Variants in FTO observed in about 807,000 individuals in gnomAD.
FTO encodes alpha-ketoglutarate-dependent dioxygenase FTO.
In FTO, 47 loss-of-function variants were observed where a neutral mutation model predicts 63.9. That is an observed-to-expected ratio of 0.74 (90% CI 0.58 to 0.94). FTO has a LOEUF of 0.94. Among genes scored for constraint, FTO ranks in the 40% least tolerant of loss-of-function variants. The pLI, the probability that FTO is intolerant of heterozygous loss-of-function variation, is 0.00. For missense variants in FTO, 562 were observed against 618.1 expected (o/e 0.91, Z 0.96); for synonymous variants, 207 against 224.4 (o/e 0.92, Z 0.69).
chr16:53,840,662 A>T (rs2079448020), intron 3 of FTO, among the ~76,000 whole-genome samples: 1 of 152,218 alleles, frequency 6.6e-6, no homozygotes. Context: ...TTGCAAAAGC[A>T]GGTCACGGGA....
chr16:54,072,518 A>T (rs1419225244), intron 8 of FTO: 1 of 152,228 alleles, frequency 6.6e-6, no homozygotes, highest in East Asian at 1.9e-4. Context: ...CCAGTTATTT[A>T]TACTGCAGCC....
chr16:54,026,039 TAGTC>T (rs1359621827), intron 8 of FTO, among the ~76,000 whole-genome samples: 3 of 152,146 alleles, frequency 2.0e-5, no homozygotes, highest in Non-Finnish European at 4.4e-5. Context: ...TTATTTTTAT[TAGTC>T]AGCACAACAT....
intron 8 of FTO, among the ~76,000 whole-genome samples, chr16:54,065,780 A>C (rs1599306194): frequency 6.6e-6 from 1 of 152,150 alleles, no homozygotes; most frequent in Admixed American, 6.5e-5. Context: ...TTTCCAGCCC[A>C]CTGTTAGGGA....
chr16:53,867,862 T>C (rs368122506), intron 4 of FTO, among the ~76,000 whole-genome samples: 32 of 152,324 alleles, frequency 2.1e-4, no homozygotes, highest in African/African-American at 5.8e-4. Context: ...TTTTGCCTTA[T>C]ACATTTTGAT....
At chr16:53,915,812 C>T (rs1374555483) in intron 7 of FTO, among the ~76,000 whole-genome samples, 3 of 152,194 alleles carry the variant, frequency 2.0e-5, no homozygotes, top group Admixed American at 6.5e-5. Context: ...ACAGTTTAAT[C>T]TTTGGGTATG....
At chr16:53,739,396 A>G (rs1313644304) in intron 1 of FTO, among the ~76,000 whole-genome samples, 1 of 130,530 alleles carries the variant, frequency 7.7e-6, no homozygotes, top group Non-Finnish European at 1.6e-5. Context: ...TTCTATTTTT[A>G]GTAGAGATGG....
chr16:53,999,976 T>C (rs2084031178), intron 8 of FTO: 1 of 152,146 alleles, frequency 6.6e-6, no homozygotes, highest in Non-Finnish European at 1.5e-5. Flanking sequence ...CTTGTTGCAG[T>C]AGACATAAAA....
chr16:54,031,198 T>C (rs948381122), intron 8 of FTO, among the ~76,000 whole-genome samples: 15 of 152,294 alleles, frequency 9.8e-5, no homozygotes, highest in African/African-American at 3.6e-4. Context: ...TTAAGCTACA[T>C]ACATAAGATC....
At position 53,788,732 on chromosome 16, in the gene FTO, G is replaced by T. The variant is rs549392629; in HGVS notation, c.46-21408G>T. Among the ~76,000 whole-genome samples the T allele has an allele frequency of 6.6e-5, 10 of 151,680 alleles. No individual in the cohort carries two copies. The East Asian group carries it at 9.7e-4, about 15-fold the overall frequency. On this transcript the variant is annotated intron_variant, in intron 1 of 8. Transcript: ENST00000471389. ...TGATTTTTCATTCTACCTGTCTTTAGTATCATAGGGGTAGTTACCTCAGCG... is the reference window on the plus strand; with the variant it reads ...TGATTTTTCATTCTACCTGTCTTTATTATCATAGGGGTAGTTACCTCAGCG...
intron 1 of FTO, among the ~76,000 whole-genome samples, chr16:53,717,168 A>G (rs749118716): frequency 3.9e-5 from 6 of 152,016 alleles, no homozygotes; most frequent in Non-Finnish European, 7.4e-5. Flanking sequence ...GGAGAATTGT[A>G]TGGGCTAACT....
At chr16:53,947,782 A>G (rs1356632158) in intron 8 of FTO, among the ~76,000 whole-genome samples, 1 of 152,128 alleles carries the variant, frequency 6.6e-6, no homozygotes, top group Non-Finnish European at 1.5e-5. Context: ...CAAGTCTTTC[A>G]TTTAGCTTGT....
chr16:53,904,805 C>CG (rs2081496167), intron 7 of FTO, among the ~76,000 whole-genome samples: 1 of 152,030 alleles, frequency 6.6e-6, no homozygotes, highest in Admixed American at 6.5e-5. Context: ...CTCTCCTGCT[C>CG]GCCTCGTTCT....
intron 1 of FTO, among the ~76,000 whole-genome samples, chr16:53,720,331 G>T (rs1352353901): frequency 1.3e-5 from 2 of 151,972 alleles, no homozygotes; most frequent in Non-Finnish European, 1.5e-5. Flanking sequence ...AAATGTAAAA[G>T]AACTTTGAAT....
At chr16:53,906,629 T>C (rs1007025113) in intron 7 of FTO, among the ~76,000 whole-genome samples, 21 of 152,192 alleles carry the variant, frequency 1.4e-4, no homozygotes, top group African/African-American at 5.1e-4. Context: ...GTGAAGCATT[T>C]TGAGTTGATT....
intron 1 of FTO, among the ~76,000 whole-genome samples, chr16:53,765,497 G>A (rs956715200): frequency 6.6e-6 from 1 of 150,750 alleles, no homozygotes; most frequent in African/African-American, 2.4e-5. Flanking sequence ...AGAGGTTGCA[G>A]TGAGCCGAGA....
intron 8 of FTO, chr16:53,998,748 A>G (rs1316820731): frequency 1.3e-5 from 2 of 152,180 alleles, no homozygotes; most frequent in African/African-American, 4.8e-5. Flanking sequence ...TAGACATCAC[A>G]TCTGCCCTCA....
chr16:53,862,554 T>TC (rs1358872044), intron 4 of FTO, among the ~76,000 whole-genome samples: 1 of 151,310 alleles, frequency 6.6e-6, no homozygotes, highest in Non-Finnish European at 1.5e-5. Flanking sequence ...TTTTTTTTTT[T>TC]CAAGATGGAG....
At chr16:53,915,528 T>C (rs2081842255) in intron 7 of FTO, among the ~76,000 whole-genome samples, 2 of 152,216 alleles carry the variant, frequency 1.3e-5, no homozygotes, top group South Asian at 4.1e-4. Flanking sequence ...TGTTTCTTTT[T>C]CTGCTCCTTA....
intron 8 of FTO, among the ~76,000 whole-genome samples, chr16:53,996,573 C>T (rs1203243630): frequency 6.6e-6 from 1 of 152,126 alleles, no homozygotes; most frequent in Non-Finnish European, 1.5e-5. Flanking sequence ...TAAACAATTA[C>T]CTGAGAGTAT....
Sources: allele counts gnomAD v4.1 joint callset (sites outside exome capture counted in the v4.1 genomes callset), GRCh38; gene constraint gnomAD v4.1.1; transcripts MANE v1.5; gene names NCBI Gene and HGNC (gene_info 2026-07-23, HGNC 2026-07-21).